The following BMERB1 variants were observed in gnomAD, a reference collection of about 807,000 sequenced individuals.
BMERB1 encodes bMERB domain containing 1, also known as bMERB domain-containing protein 1.
BMERB1 carries 12 observed loss-of-function variants against 23.6 expected under a neutral mutation model. The observed-to-expected ratio is 0.51, with a 90% CI of 0.33 to 0.82. The LOEUF is 0.82. BMERB1 is among the 40% of genes least tolerant of loss of function. The pLI is 0.03. For synonymous variants in BMERB1, 122 were observed against 96.6 expected, an observed-to-expected ratio of 1.26 and a Z score of -1.54; for missense variants, 247 against 255.4, an observed-to-expected ratio of 0.97 and a Z score of 0.22.
At chr16:15,528,418 G>T (rs1225336198) in intron 2 of BMERB1, among the ~76,000 whole-genome samples, 2 of 152,150 alleles carry the variant, frequency 1.3e-5, no homozygotes, top group African/African-American at 2.4e-5. Context: ...GTTTCAACAT[G>T]AATTTTGAAG....
chr16:15,551,202 A>T (rs1416715390), intron 2 of BMERB1, among the ~76,000 whole-genome samples: 2 of 151,980 alleles, frequency 1.3e-5, no homozygotes, highest in Non-Finnish European at 2.9e-5. Flanking sequence ...GAGACTTGAA[A>T]TTTTTCCACC....
At chr16:15,549,358 A>AG (rs2030014638) in intron 2 of BMERB1, among the ~76,000 whole-genome samples, 1 of 150,366 alleles carries the variant, frequency 6.7e-6, no homozygotes, top group African/African-American at 2.5e-5. Flanking sequence ...CAAAAAAAAA[A>AG]AAAAAAAAAA....
intron 2 of BMERB1, among the ~76,000 whole-genome samples, chr16:15,516,155 G>GCACT (rs1263652218): frequency 6.6e-6 from 1 of 152,140 alleles, no homozygotes; most frequent in Non-Finnish European, 1.5e-5. Flanking sequence ...CAGGTGCAGT[G>GCACT]GCTCACACCT....
intron 1 of BMERB1, among the ~76,000 whole-genome samples, chr16:15,475,990 C>G (rs2051271752): frequency 6.6e-6 from 1 of 152,064 alleles, no homozygotes; most frequent in South Asian, 2.1e-4. Context: ...GCCATGTGAC[C>G]CAAAGCTCCC....
At chr16:15,556,618 G>T (rs970750566) in intron 2 of BMERB1, among the ~76,000 whole-genome samples, 4 of 151,884 alleles carry the variant, frequency 2.6e-5, no homozygotes, top group East Asian at 3.9e-4. Context: ...ACGGAGTCTC[G>T]CTCTGTTGCC....
chr16:15,450,255 T>G (rs1210037264), intron 1 of BMERB1, among the ~76,000 whole-genome samples: 2 of 152,000 alleles, frequency 1.3e-5, no homozygotes, highest in East Asian at 3.9e-4. Flanking sequence ...TATATAACTT[T>G]CCCATGTCAT....
At chr16:15,572,213 T>G (rs891214597) in intron 3 of BMERB1, among the ~76,000 whole-genome samples, 2 of 151,594 alleles carry the variant, frequency 1.3e-5, no homozygotes, top group African/African-American at 2.4e-5. Context: ...GAATTCCTTG[T>G]TGGGAAAATG....
rs1241217450 is a variant in BMERB1 at position 15,438,462 on chromosome 16, C to CT, written c.106+3704dup. The stretch of plus-strand genomic sequence containing the variant: ...AATCTGGCAAGTTTTATTTTCTAGA[C>CT]TATTTTTTTTTTTTTTTGAGACAGG... On this transcript the variant is annotated intron_variant, in intron 1 of 5. Coordinates refer to ENST00000300006, the MANE Select transcript of BMERB1 (RefSeq NM_033201.3). Among the ~76,000 whole-genome samples, 286 of 116,166 alleles carry CT rather than the reference C, an allele frequency of 2.5e-3. 5 individuals carry two copies. The highest frequency in any genetic ancestry group is 5.2e-3 in the Middle Eastern group (1 of 194). 76.2% of individuals were successfully genotyped at this position (116,166 alleles called of 152,430 possible). A position where few individuals can be genotyped will look rare whatever the true frequency, so the allele number is the denominator to read the frequency against.
intron 1 of BMERB1, among the ~76,000 whole-genome samples, chr16:15,477,854 G>A (rs1167469409): frequency 6.6e-6 from 1 of 152,058 alleles, no homozygotes; most frequent in Non-Finnish European, 1.5e-5. Flanking sequence ...GGATCCAGAG[G>A]TAGTATGTCT....
chr16:15,445,470 C>T (rs222135), intron 1 of BMERB1, among the ~76,000 whole-genome samples: 58,110 of 152,034 alleles, frequency 0.38, 13,581 homozygotes, highest in East Asian at 0.58. Context: ...GGGGCTTAGC[C>T]AACCCTGGGG....
At chr16:15,576,943 C>T (rs1003658532) in intron 3 of BMERB1, among the ~76,000 whole-genome samples, 1 of 152,184 alleles carries the variant, frequency 6.6e-6, no homozygotes, top group East Asian at 1.9e-4. Flanking sequence ...CGGCCTGTGG[C>T]AGACTGCACC....
At chr16:15,467,883 A>C (rs1449494144) in intron 1 of BMERB1, among the ~76,000 whole-genome samples, 1 of 152,098 alleles carries the variant, frequency 6.6e-6, no homozygotes, top group Non-Finnish European at 1.5e-5. Flanking sequence ...GGACAACTGG[A>C]AGCAGGAACT....
At chr16:15,474,279 A>T (rs1278151920) in intron 1 of BMERB1, among the ~76,000 whole-genome samples, 5 of 151,886 alleles carry the variant, frequency 3.3e-5, no homozygotes, top group Non-Finnish European at 7.4e-5. Flanking sequence ...TCTTTCTTCA[A>T]ATTTGGGAAG....
chr16:15,504,173 C>G (rs1488067398), intron 1 of BMERB1, among the ~76,000 whole-genome samples: 1 of 152,154 alleles, frequency 6.6e-6, no homozygotes, highest in Admixed American at 6.5e-5. Flanking sequence ...ACCCAAAAGC[C>G]CATGCCCAGA....
chr16:15,560,329 A>G (rs1474155879), intron 2 of BMERB1, among the ~76,000 whole-genome samples: 1 of 152,228 alleles, frequency 6.6e-6, no homozygotes, highest in Admixed American at 6.5e-5. Flanking sequence ...ACATGGAGGA[A>G]AAAGATTGCT....
chr16:15,554,909 G>A (rs540161417), intron 2 of BMERB1, among the ~76,000 whole-genome samples: 5 of 151,986 alleles, frequency 3.3e-5, no homozygotes, highest in Admixed American at 1.3e-4. Flanking sequence ...CTTGTGATCC[G>A]CCCGCCTCGG....
chr16:15,577,777 A>G (rs766029505), intron 3 of BMERB1, among the ~76,000 whole-genome samples: 1 of 152,258 alleles, frequency 6.6e-6, no homozygotes, highest in Non-Finnish European at 1.5e-5. Context: ...GTGTATTTAC[A>G]GAAGTCATGG....
At chr16:15,496,376 A>G (rs1234486487) in intron 1 of BMERB1, among the ~76,000 whole-genome samples, 1 of 152,126 alleles carries the variant, frequency 6.6e-6, no homozygotes, top group African/African-American at 2.4e-5. Flanking sequence ...CTGTCATTCA[A>G]TCCTCACTGC....
At chr16:15,584,526 C>T (rs2031093795) in intron 5 of BMERB1, among the ~76,000 whole-genome samples, 1 of 150,570 alleles carries the variant, frequency 6.6e-6, no homozygotes, top group Non-Finnish European at 1.5e-5. Flanking sequence ...CCACTACACT[C>T]CAGCCTGGGT....
Sources: allele counts gnomAD v4.1 joint callset (sites outside exome capture counted in the v4.1 genomes callset), GRCh38; gene constraint gnomAD v4.1.1; transcripts MANE v1.5; gene names NCBI Gene and HGNC (gene_info 2026-07-23, HGNC 2026-07-21).